Variants in FN1 observed in about 807,000 individuals in gnomAD.
FN1 encodes the protein fibronectin.
In FN1, 106 loss-of-function variants were observed where a neutral mutation model predicts 297.3. The observed-to-expected ratio is 0.36, with a 90% CI of 0.30 to 0.42. FN1 has a LOEUF of 0.42. Ranked by LOEUF, FN1 falls within the 10% of genes least tolerant of loss-of-function variation. The pLI is 1.00. For missense variants in FN1, 2,690 were observed against 3,124.9 expected, an observed-to-expected ratio of 0.86 and a Z score of 3.32; for synonymous variants, 1,149 against 1,152.6, an observed-to-expected ratio of 1.00 and a Z score of 0.06.
chr2:215,369,779 T>C (rs2055463684), intron 41 of FN1, among the ~76,000 whole-genome samples: 1 of 152,174 alleles, frequency 6.6e-6, no homozygotes, highest in South Asian at 2.1e-4. Flanking sequence ...GGAAATAACA[T>C]TGGAATAACA....
chr2:215,378,085 G>C, intron 35 of FN1, 90 bp downstream of exon 35: 1 of 864,934 alleles, frequency 1.2e-6, no homozygotes, highest in South Asian at 1.3e-5. Context: ...TTGGATTTTA[G>C]ACATGAGCCA....
chr2:215,368,372 C>G (rs2055096000), intron 41 of FN1, among the ~76,000 whole-genome samples: 1 of 152,210 alleles, frequency 6.6e-6, no homozygotes, highest in East Asian at 1.9e-4. Flanking sequence ...AATGATGCCT[C>G]TCCATTGGTA....
At chr2:215,394,466 A>C in intron 24 of FN1, 62 bp downstream of exon 24, 3 of 1,337,874 alleles carry the variant, frequency 2.2e-6, no homozygotes, top group Non-Finnish European at 3.2e-6. Flanking sequence ...GGGGATTAAG[A>C]TGCTAATCCC....
At chr2:215,374,846 C>T (rs1002947966) in intron 38 of FN1, among the ~76,000 whole-genome samples, 3 of 152,146 alleles carry the variant, frequency 2.0e-5, no homozygotes, top group African/African-American at 4.8e-5. Flanking sequence ...GGTGCACTGG[C>T]AAGTCCTGCA....
At chr2:215,390,634 T>C (rs1277892626) in intron 26 of FN1, among the ~76,000 whole-genome samples, 1 of 152,210 alleles carries the variant, frequency 6.6e-6, no homozygotes. Flanking sequence ...GACATTGTGA[T>C]GCAGGGGCTT....
chr2:215,376,442 C>T (rs575226061), intron 36 of FN1, 56 bp downstream of exon 36: 12 of 1,487,188 alleles, frequency 8.1e-6, no homozygotes, highest in African/African-American at 2.8e-5. Flanking sequence ...TTAATAAGCC[C>T]GTTTACATTG....
At chr2:215,406,913 T>C (rs1175938826) in intron 18 of FN1, among the ~76,000 whole-genome samples, 1 of 152,206 alleles carries the variant, frequency 6.6e-6, no homozygotes, top group Admixed American at 6.5e-5. Flanking sequence ...GGAAAATTTG[T>C]AGATGGACGT....
chr2:215,361,333 C>T lies in FN1; in HGVS notation c.*222G>A, dbSNP rs1300866524. On this transcript the variant is annotated 3_prime_UTR_variant, in exon 46 of 46. Transcript: ENST00000354785. Reference sequence around the variant, plus strand: ...CTGAGCGGTATTGAATACTTCGAAGCAGAACAGGCAATGTGCAGCCCTCAT... The same window carrying T: ...CTGAGCGGTATTGAATACTTCGAAGTAGAACAGGCAATGTGCAGCCCTCAT... The T allele has an allele frequency of 1.7e-6, 1 of 574,048 alleles. No homozygotes were observed. Among genetic ancestry groups the T allele is most frequent in the Admixed American group, 3.0e-5 (1 of 33,428 alleles). The allele number at this position is 574,048 out of a possible 1,614,324, so 35.6% of individuals were successfully genotyped here. A position where few individuals can be genotyped will look rare whatever the true frequency, so the allele number is the denominator to read the frequency against.
At chr2:215,427,561 C>CT (rs1487073968) in intron 6 of FN1, among the ~76,000 whole-genome samples, 1 of 152,144 alleles carries the variant, frequency 6.6e-6, no homozygotes, top group Non-Finnish European at 1.5e-5. Flanking sequence ...ATGGCCATCT[C>CT]TAAGTCCTCT....
rs987690246 is a variant in FN1 at position 215,397,065 on chromosome 2, AAC to A, written c.3604+70_3604+71del. On this transcript the variant is annotated intron_variant, in intron 23 of 45. Transcript: ENST00000354785. ...TTGAATCCCTTCTTTCTCTGAAAGA[AAC>A]ACAGTTTCTAAAATCTTTGTCTTGG... The A allele has an allele frequency of 3.3e-5, 33 of 991,942 alleles. No homozygotes were observed. In the East Asian group the frequency reaches 4.5e-4, roughly 14 times the overall value. 61.4% of individuals were successfully genotyped at this position (991,942 alleles called of 1,614,324 possible). A position where few individuals can be genotyped will look rare whatever the true frequency, so the allele number is the denominator to read the frequency against.
intron 10 of FN1, 85 bp downstream of exon 10, chr2:215,422,006 G>A (rs2064480211): frequency 1.6e-6 from 2 of 1,245,654 alleles, no homozygotes; most frequent in Non-Finnish European, 2.4e-6. Context: ...CCCTGCTTTT[G>A]GCATAGTGCA....
chr2:215,434,581 G>C, intron 2 of FN1, 115 bp downstream of exon 2: 2 of 1,235,060 alleles, frequency 1.6e-6, no homozygotes, highest in Non-Finnish European at 2.4e-6. Flanking sequence ...AAGAGGAAAT[G>C]ACAGGTAATT....
At chr2:215,418,200 T>C (rs1344433154) in intron 12 of FN1, among the ~76,000 whole-genome samples, 2 of 152,068 alleles carry the variant, frequency 1.3e-5, no homozygotes, top group Non-Finnish European at 2.9e-5. Context: ...TGTCTGAGGG[T>C]TGGGAAAAGC....
In FN1 at chr2:215,423,459, G is replaced by A. The variant is rs1453926130; in HGVS notation, c.1284C>T (p.Asn428=). The change falls in exon 9 of 46, where the codon AAC becomes AAT. Residue 428 remains asparagine, a synonymous_variant. Transcript: ENST00000354785. ...CAGAAGTGCAATCAGTGTAATTGTG[G>A]TTGTTGTATAGGAAGGGGAAGTGGC... ...ALCHFPFLYN[N]HNYTDCTSEG... 1 of 1,614,176 alleles carries A rather than the reference G, an allele frequency of 6.2e-7. No homozygotes were observed. The highest frequency in any genetic ancestry group is 8.5e-7 in the Non-Finnish European group (1 of 1,180,012).
At chr2:215,420,361 A>G (rs1284900793) in intron 11 of FN1, among the ~76,000 whole-genome samples, 2 of 134,856 alleles carry the variant, frequency 1.5e-5, no homozygotes, top group Non-Finnish European at 3.1e-5. Context: ...ACAAAAACAA[A>G]AACAAACAAA....
At position 215,422,297 on chromosome 2, in the gene FN1, A is replaced by ATG; in HGVS notation, c.1394-56_1394-55dup. 8 of 1,531,044 alleles carry ATG rather than the reference A, an allele frequency of 5.2e-6. No homozygotes were observed. The East Asian group carries it at 1.3e-4, about 26-fold the overall frequency. The allele number at this position is 1,531,044 out of a possible 1,614,324, so 94.8% of individuals were successfully genotyped here. A position where few individuals can be genotyped will look rare whatever the true frequency, so the allele number is the denominator to read the frequency against. ...TGATAAATGATCACCAGGTCTAAAC[A>ATG]TGTATGTGTGCAAAAGGATCAGTTC... is the stretch of plus-strand genomic sequence containing the variant. On this transcript the variant is annotated intron_variant, in intron 9 of 45. Coordinates refer to ENST00000354785, the MANE Select transcript of FN1 (RefSeq NM_212482.4).
chr2:215,402,997 A>G (rs926831418), intron 20 of FN1, among the ~76,000 whole-genome samples: 15 of 152,182 alleles, frequency 9.9e-5, no homozygotes, highest in African/African-American at 3.6e-4. Context: ...AGGAATGAAC[A>G]AGACAACTAT....
chr2:215,428,796 A>AGTC lies in FN1; in HGVS notation c.686-461_686-459dup, dbSNP rs1419898365. Among the ~76,000 whole-genome samples, 4 of 152,210 alleles carry AGTC rather than the reference A, an allele frequency of 2.6e-5. No individual in the cohort carries two copies. In the East Asian group the frequency reaches 7.7e-4, roughly 29 times the overall value. Reference sequence around the variant, plus strand: ...TACTTTAGGAGGGTGGATCACCTGCAGTCAGGAGTTCAAGACCAGCCTGGG... The same window carrying AGTC: ...TACTTTAGGAGGGTGGATCACCTGCAGTCGTCAGGAGTTCAAGACCAGCCTGGG... On this transcript the variant is annotated intron_variant, in intron 5 of 45. Transcript: ENST00000354785.
rs544615577 is a variant in FN1, at chr2:215,387,133, T to C, written c.4343-175A>G. Among the ~76,000 whole-genome samples the C allele has an allele frequency of 2.0e-5, 3 of 152,320 alleles. No individual in the cohort carries two copies. In the South Asian group the frequency reaches 6.2e-4, roughly 32 times the overall value. The stretch of plus-strand genomic sequence containing the variant: ...AGATGTACTGATTCTAAGCTACATA[T>C]GAATTTTAAAATCTTAAATTGACTC... On this transcript the variant is annotated intron_variant, in intron 27 of 45. Coordinates refer to ENST00000354785, the MANE Select transcript of FN1 (RefSeq NM_212482.4).
Sources: allele counts gnomAD v4.1 joint callset (sites outside exome capture counted in the v4.1 genomes callset), GRCh38; gene constraint gnomAD v4.1.1; transcripts MANE v1.5; gene names NCBI Gene and HGNC (gene_info 2026-07-23, HGNC 2026-07-21).